Variants in PCDH9 observed in about 807,000 individuals in gnomAD.
The protein encoded by PCDH9 is protocadherin-9.
Under a neutral mutation model 70.6 loss-of-function variants are expected in PCDH9, and 24 were observed. The ratio of observed to expected loss-of-function variants is 0.34; its 90% CI spans 0.25 to 0.48. The LOEUF is 0.48. Among genes scored for constraint, PCDH9 ranks in the 20% least tolerant of loss-of-function variants. The pLI is 0.99. For missense variants in PCDH9, 1,281 were observed against 1,503.6 expected (o/e 0.85, Z 2.45); for synonymous variants, 562 against 558.5 (o/e 1.01, Z -0.09).
intron 4 of PCDH9, among the ~76,000 whole-genome samples, chr13:66,602,526 G>C (rs1430685917): frequency 6.9e-6 from 1 of 145,548 alleles, no homozygotes; most frequent in Admixed American, 6.9e-5. Context: ...AAGTATGATA[G>C]AATAAGGATC....
chr13:66,725,789 A>T (rs2078998164), intron 3 of PCDH9, among the ~76,000 whole-genome samples: 1 of 152,196 alleles, frequency 6.6e-6, no homozygotes, highest in Admixed American at 6.5e-5. Context: ...CGCATTTACA[A>T]ATAGAGGGGG....
At chr13:66,863,542 G>A (rs1016023594) in intron 3 of PCDH9, among the ~76,000 whole-genome samples, 1 of 152,142 alleles carries the variant, frequency 6.6e-6, no homozygotes, top group African/African-American at 2.4e-5. Flanking sequence ...CTGGAGTGCA[G>A]TGGCAGGATC....
At chr13:66,944,075 C>A (rs370577968) in intron 2 of PCDH9, among the ~76,000 whole-genome samples, 1 of 151,948 alleles carries the variant, frequency 6.6e-6, no homozygotes, top group Admixed American at 6.6e-5. Flanking sequence ...CTTTGAGAAT[C>A]ATTAAGTAAT....
rs754286427 is a variant in PCDH9, at chr13:67,148,063, G to A, written c.3036+77342C>T. On this transcript the variant is annotated intron_variant, in intron 2 of 4. Coordinates refer to ENST00000377865, the MANE Select transcript of PCDH9 (RefSeq NM_203487.3). ...TTTTCTTCTGAAAGGCTTCTTAGTG[G>A]TCCCCAGTGAAAAGTTGAGATCAGC... Among the ~76,000 whole-genome samples the A allele has an allele frequency of 3.2e-4, 49 of 152,100 alleles. 1 individual carries two copies. The highest frequency in any genetic ancestry group is 6.2e-4 in the Non-Finnish European group (42 of 68,018).
At chr13:67,152,799 C>T (rs1316772633) in intron 2 of PCDH9, among the ~76,000 whole-genome samples, 2 of 152,178 alleles carry the variant, frequency 1.3e-5, no homozygotes, top group Non-Finnish European at 2.9e-5. Flanking sequence ...TTAAAAATCA[C>T]ACTGAAGGAG....
chr13:66,968,847 T>C (rs974664216), intron 2 of PCDH9, among the ~76,000 whole-genome samples: 3 of 152,016 alleles, frequency 2.0e-5, no homozygotes, highest in African/African-American at 4.8e-5. Flanking sequence ...CCATTTAGTG[T>C]GCTATTCACA....
intron 3 of PCDH9, among the ~76,000 whole-genome samples, chr13:66,854,076 TC>T (rs2081356948): frequency 6.6e-6 from 1 of 152,198 alleles, no homozygotes; most frequent in Non-Finnish European, 1.5e-5. Flanking sequence ...AAAATGCTGT[TC>T]TTTTAGCTAC....
At chr13:66,513,564 C>G (rs1474381655) in intron 4 of PCDH9, among the ~76,000 whole-genome samples, 2 of 151,880 alleles carry the variant, frequency 1.3e-5, no homozygotes, top group Non-Finnish European at 2.9e-5. Context: ...TAATGAAAAC[C>G]ATGATTTCAT....
chr13:66,940,508 A>C (rs1185278211), intron 2 of PCDH9, among the ~76,000 whole-genome samples: 1 of 152,148 alleles, frequency 6.6e-6, no homozygotes, highest in Non-Finnish European at 1.5e-5. Flanking sequence ...TTAGTACCTT[A>C]TTAATCACTA....
chr13:66,670,238 A>G (rs1400572074), intron 3 of PCDH9, among the ~76,000 whole-genome samples: 1 of 152,224 alleles, frequency 6.6e-6, no homozygotes, highest in African/African-American at 2.4e-5. Flanking sequence ...GCAACATAAT[A>G]GGTTTCAGTC....
chr13:67,202,227 A>C (rs1486816456), intron 2 of PCDH9: 1 of 152,056 alleles, frequency 6.6e-6, no homozygotes, highest in African/African-American at 2.4e-5. Context: ...ATGATTGAAA[A>C]AATGTACTTT....
chr13:66,323,547 G>A (rs1420075886), intron 4 of PCDH9: 2 of 151,988 alleles, frequency 1.3e-5, no homozygotes, highest in Non-Finnish European at 1.5e-5. Context: ...GAATTAAAGA[G>A]TTTTGTTTCT....
intron 2 of PCDH9, among the ~76,000 whole-genome samples, chr13:66,961,907 C>T (rs1025784374): frequency 7.9e-5 from 12 of 151,498 alleles, no homozygotes; most frequent in Admixed American, 5.9e-4. Flanking sequence ...AAAAATTAGC[C>T]GGGCATGGTG....
chr13:66,427,995 A>G (rs1957703522), intron 4 of PCDH9, among the ~76,000 whole-genome samples: 1 of 151,778 alleles, frequency 6.6e-6, no homozygotes, highest in African/African-American at 2.4e-5. Flanking sequence ...ATTATTAACT[A>G]AGTTTGCAAA....
At chr13:66,380,876 T>TC in intron 4 of PCDH9, among the ~76,000 whole-genome samples, 1 of 152,090 alleles carries the variant, frequency 6.6e-6, no homozygotes, top group African/African-American at 2.4e-5. Flanking sequence ...AAATCACATT[T>TC]CCCTCCATGG....
intron 4 of PCDH9, among the ~76,000 whole-genome samples, chr13:66,334,444 A>G (rs1215609229): frequency 6.6e-6 from 1 of 152,042 alleles, no homozygotes; most frequent in Non-Finnish European, 1.5e-5. Context: ...TCAAACCATC[A>G]GGTTGAAGTT....
intron 2 of PCDH9, among the ~76,000 whole-genome samples, chr13:67,035,986 G>A (rs1014605287): frequency 2.6e-5 from 4 of 152,112 alleles, no homozygotes; most frequent in Non-Finnish European, 4.4e-5. Flanking sequence ...AAATGTTTCA[G>A]GGTGACAAGG....
At chr13:67,029,669 T>G (rs1353328500) in intron 2 of PCDH9, among the ~76,000 whole-genome samples, 1 of 152,212 alleles carries the variant, frequency 6.6e-6, no homozygotes, top group East Asian at 1.9e-4. Context: ...ATTATGGAAC[T>G]AAGCTTATTC....
intron 4 of PCDH9, among the ~76,000 whole-genome samples, chr13:66,441,950 C>T (rs1471533917): frequency 6.6e-6 from 1 of 152,036 alleles, no homozygotes; most frequent in East Asian, 1.9e-4. Context: ...GTTATGTACG[C>T]AAATAACAAA....
Sources: gnomAD v4.1 joint callset for allele counts (sites outside exome capture counted in the v4.1 genomes callset) on GRCh38, gnomAD v4.1.1 for gene constraint, MANE v1.5 for transcripts, NCBI Gene and HGNC (gene_info 2026-07-23, HGNC 2026-07-21) for gene names.